Variants in ABCA8 observed in about 807,000 individuals in gnomAD.
ABCA8 encodes the protein ATP binding cassette subfamily A member 8.
A neutral mutation model predicts 192.3 loss-of-function variants in ABCA8; 177 were observed. The observed-to-expected ratio is 0.92, with a 90% CI of 0.81 to 1.04. The LOEUF (loss-of-function observed/expected upper bound fraction) is 1.04, where lower values mean the gene tolerates loss of function less well. Among genes scored for constraint, ABCA8 ranks in the 50% least tolerant of loss-of-function variants. ABCA8 has a pLI of 0.00. For synonymous variants in ABCA8, 642 were observed against 690.2 expected (o/e 0.93, Z 1.09); for missense variants, 1,915 against 1,904.8 (o/e 1.01, Z -0.10).
chr17:68,945,017 T>C (rs2143789954), intron 2 of ABCA8: 1 of 152,330 alleles, frequency 6.6e-6, no homozygotes, highest in African/African-American at 2.4e-5. Flanking sequence ...CTAGAGTTCC[T>C]CCTGCCCATA....
At chr17:68,888,232 C>T (rs116802109) in intron 24 of ABCA8, among the ~76,000 whole-genome samples, 2,530 of 151,628 alleles carry the variant, frequency 0.017, 66 homozygotes, top group African/African-American at 0.056. Context: ...AATACATTTA[C>T]AAATGTAAAT....
intron 22 of ABCA8, 120 bp downstream of exon 22, chr17:68,894,760 A>G (rs2066702948): frequency 2.6e-6 from 3 of 1,134,078 alleles, no homozygotes; most frequent in Non-Finnish European, 2.5e-6. Flanking sequence ...ACAATTCACT[A>G]AGTAATAAAT....
intron 21 of ABCA8, among the ~76,000 whole-genome samples, chr17:68,896,469 T>C (rs1179048837): frequency 6.6e-6 from 1 of 152,166 alleles, no homozygotes; most frequent in Non-Finnish European, 1.5e-5. Flanking sequence ...AAATAAACAT[T>C]GTATAAGTTT....
At position 68,877,530 on chromosome 17, in the gene ABCA8, A is replaced by G; in HGVS notation, c.4188T>C (p.Val1396=). Residue 1396 remains valine (V), a synonymous_variant, in exon 33 of 40, where the codon GTT becomes GTC. Transcript: ENST00000586539. ...GCTCCTCTGTGTACCGTGTGATGGCAACCTCAGCATCCCCTTTCCTCAGCC... is the reference window on the plus strand; with the variant it reads ...GCTCCTCTGTGTACCGTGTGATGGCGACCTCAGCATCCCCTTTCCTCAGCC... The part of the protein sequence containing the change: ...VKGLRKGDAE[V]AITRLVDALK... The G allele has an allele frequency of 6.2e-7, 1 of 1,613,400 alleles. No individual in the cohort carries two copies. Among genetic ancestry groups the G allele is most frequent in the Non-Finnish European group, 8.5e-7 (1 of 1,179,618 alleles).
intron 32 of ABCA8, chr17:68,880,315 T>C (rs1225409825): frequency 6.6e-6 from 1 of 152,248 alleles, no homozygotes; most frequent in African/African-American, 2.4e-5. Context: ...TTGGGTCTCC[T>C]GAGAGCTATT....
chr17:68,915,958 A>T (rs2067348593), intron 17 of ABCA8, among the ~76,000 whole-genome samples: 1 of 152,170 alleles, frequency 6.6e-6, no homozygotes, highest in Non-Finnish European at 1.5e-5. Flanking sequence ...AAAGAATGAG[A>T]TACTGTCATG....
rs1014133673 is a variant in ABCA8 at position 68,919,659 on chromosome 17, G to T, written c.1613-183C>A. The T allele has an allele frequency of 1.7e-5, 9 of 542,660 alleles. No individual in the cohort carries two copies. In the African/African-American group the frequency reaches 1.7e-4, roughly 10 times the overall value. The allele number at this position is 542,660 out of a possible 1,614,324, so 33.6% of individuals were successfully genotyped here. ...CTCATCTGCAGCTTTTCCCATCAAGGTGTAGTCCCTTTGTCTGCCCCTCAC... is the reference window on the plus strand; with the variant it reads ...CTCATCTGCAGCTTTTCCCATCAAGTTGTAGTCCCTTTGTCTGCCCCTCAC... On this transcript the variant is annotated intron_variant, in intron 13 of 39. Coordinates refer to ENST00000586539, the MANE Select transcript of ABCA8 (RefSeq NM_001288985.2).
intron 37 of ABCA8, among the ~76,000 whole-genome samples, chr17:68,872,179 C>T (rs924084163): frequency 1.3e-5 from 2 of 151,798 alleles, no homozygotes; most frequent in African/African-American, 4.8e-5. Flanking sequence ...TTGGAACCAA[C>T]CCAAATGTCC....
Position 68,875,364 on chromosome 17 carries a change from A to T in ABCA8, c.4527T>A (p.Phe1509Leu). The change falls in exon 37 of 40, where the codon TTT becomes TTA. Residue 1509 changes from phenylalanine to leucine, a missense_variant. By Grantham distance (22) the Phe-to-Leu change is conservative (BLOSUM62 0). Transcript: ENST00000586539. The part of the protein sequence containing the change: ...IGSIQHLKSK[F>L]GKDYLLEMKV... ...TCATCTCCAGCAGGTAATCTTTGCC[A>T]AATTTGCTTTTCAGGTGTTGGATGG... 6.2e-7 allele frequency: 1 copy of T among 1,614,138 alleles called. No individual in the cohort carries two copies. The highest frequency in any genetic ancestry group is 8.5e-7 in the Non-Finnish European group (1 of 1,180,018).
intron 17 of ABCA8, among the ~76,000 whole-genome samples, chr17:68,916,250 A>G (rs746376910): frequency 1.3e-5 from 2 of 152,094 alleles, no homozygotes; most frequent in Non-Finnish European, 2.9e-5. Context: ...TAATTATATT[A>G]TATTACTGTG....
At chr17:68,910,496 A>C (rs1007724368) in intron 17 of ABCA8, among the ~76,000 whole-genome samples, 1 of 152,172 alleles carries the variant, frequency 6.6e-6, no homozygotes, top group Non-Finnish European at 1.5e-5. Context: ...TGGGGATCTA[A>C]ATAAACGTAG....
chr17:68,928,541 A>C (rs928885439), intron 9 of ABCA8, among the ~76,000 whole-genome samples: 3 of 152,208 alleles, frequency 2.0e-5, no homozygotes, highest in African/African-American at 7.2e-5. Flanking sequence ...ACACTAAATA[A>C]TGGATATTTA....
chr17:68,888,317 T>C (rs1406971410), intron 24 of ABCA8, among the ~76,000 whole-genome samples: 1 of 152,110 alleles, frequency 6.6e-6, no homozygotes, highest in African/African-American at 2.4e-5. Flanking sequence ...TGAAGTGATG[T>C]GGTTTTCAGT....
At chr17:68,908,273 CTG>C (rs2067140118) in intron 17 of ABCA8, among the ~76,000 whole-genome samples, 1 of 152,104 alleles carries the variant, frequency 6.6e-6, no homozygotes, top group South Asian at 2.1e-4. Flanking sequence ...CAGTTTTAAG[CTG>C]ACTAAATAGA....
At chr17:68,892,524 A>C (rs560747564) in intron 23 of ABCA8, among the ~76,000 whole-genome samples, 1 of 152,316 alleles carries the variant, frequency 6.6e-6, no homozygotes, top group South Asian at 2.1e-4. Flanking sequence ...TGGGCACATA[A>C]ATACAAAGTC....
At chr17:68,893,324 T>C (rs2066660218) in intron 23 of ABCA8, among the ~76,000 whole-genome samples, 1 of 152,226 alleles carries the variant, frequency 6.6e-6, no homozygotes, top group African/African-American at 2.4e-5. Flanking sequence ...ATTCTGGTTC[T>C]AAACTTAAAG....
intron 19 of ABCA8, among the ~76,000 whole-genome samples, chr17:68,904,872 A>G (rs2067023325): frequency 6.6e-6 from 1 of 152,156 alleles, no homozygotes; most frequent in South Asian, 2.1e-4. Context: ...CTGAATGAGG[A>G]GTGGAGAGAT....
intron 30 of ABCA8, 28 bp from the exon 31 acceptor site, chr17:68,882,008 A>C: frequency 6.3e-7 from 1 of 1,578,700 alleles, no homozygotes; most frequent in South Asian, 1.1e-5. Flanking sequence ...TTATTATGTC[A>C]GACCTTAATT....
intron 7 of ABCA8, among the ~76,000 whole-genome samples, chr17:68,931,480 CTTAT>C (rs1325803462): frequency 1.3e-5 from 2 of 152,034 alleles, no homozygotes; most frequent in Non-Finnish European, 2.9e-5. Context: ...CATTTGGCTC[CTTAT>C]TTGTTTTCTC....
Sources: allele counts gnomAD v4.1 joint callset (sites outside exome capture counted in the v4.1 genomes callset), GRCh38; gene constraint gnomAD v4.1.1; transcripts MANE v1.5; gene names NCBI Gene and HGNC (gene_info 2026-07-23, HGNC 2026-07-21).